MANEA: variants seen among roughly 807,000 people sequenced by gnomAD.
The protein encoded by MANEA is mannosidase endo-alpha.
Under a neutral mutation model 36.8 loss-of-function variants are expected in MANEA, and 25 were observed. That is an observed-to-expected ratio of 0.68 (90% CI 0.50 to 0.95). The LOEUF is 0.95. MANEA is among the 40% of genes least tolerant of loss of function. MANEA has a pLI of 0.00. For synonymous variants in MANEA, 198 were observed against 188.5 expected (o/e 1.05, Z -0.41); for missense variants, 565 against 558.8 (o/e 1.01, Z -0.11).
rs1562201871 is a variant in MANEA, at chr6:95,606,158, A to G, written c.1142A>G (p.Tyr381Cys). 4.3e-6 allele frequency: 7 copies of G among 1,614,128 alleles called. No homozygotes were observed. The highest frequency in any genetic ancestry group is 5.9e-6 in the Non-Finnish European group (7 of 1,179,980). The change falls in exon 5 of 5, where the codon TAT (tyrosine) becomes TGT (cysteine). Residue 381 changes from tyrosine (Y) to cysteine (C), a missense_variant. Tyr to Cys is a radical substitution (Grantham distance 194). Coordinates refer to ENST00000358812, the MANE Select transcript of MANEA (RefSeq NM_024641.4). Reference sequence around the variant, plus strand: ...ACTCGGAACCGAATCAATGGGAAGTATTATGAAATTGGTCTGAGTGCCGCA... The same window carrying G: ...ACTCGGAACCGAATCAATGGGAAGTGTTATGAAATTGGTCTGAGTGCCGCA... ...QNTRNRINGK[Y>C]YEIGLSAALQ...
chr6:95,592,311 G>C (rs989503673), intron 2 of MANEA, among the ~76,000 whole-genome samples: 1 of 152,120 alleles, frequency 6.6e-6, no homozygotes, highest in Non-Finnish European at 1.5e-5. Flanking sequence ...GCCAGATCTT[G>C]TGTGTTAGCT....
intron 2 of MANEA, among the ~76,000 whole-genome samples, chr6:95,593,414 C>T (rs1027708381): frequency 1.8e-4 from 27 of 152,092 alleles, no homozygotes; most frequent in Non-Finnish European, 3.8e-4. Context: ...ATAGAGTATA[C>T]TTGCAAAGAG....
At position 95,606,373 on chromosome 6, in the gene MANEA, T is replaced by G; in HGVS notation, c.1357T>G (p.Tyr453Asp). 4 of 1,600,686 alleles carry G rather than the reference T, an allele frequency of 2.5e-6. No individual in the cohort carries two copies. The highest frequency in any genetic ancestry group is 3.4e-6 in the Non-Finnish European group (4 of 1,178,638). ...AAAATACAGTAAGGAAAGAGCAACT[T>G]ATGCATTAGATCGCCAGCTGCCTGT... is the stretch of plus-strand genomic sequence containing the variant. ...SEKYSKERATYALDRQLPVS is the reference protein window; with the variant it reads ...SEKYSKERATDALDRQLPVS Residue 453 changes from tyrosine (Y) to aspartate (D), a missense_variant, in exon 5 of 5, where the codon TAT (tyrosine) becomes GAT (aspartate). Tyr to Asp is a radical substitution (Grantham distance 160). Coordinates refer to ENST00000358812, the MANE Select transcript of MANEA (RefSeq NM_024641.4).
chr6:95,588,605 A>C (rs1380868374), intron 2 of MANEA, among the ~76,000 whole-genome samples: 2 of 151,950 alleles, frequency 1.3e-5, no homozygotes, highest in Non-Finnish European at 2.9e-5. Context: ...TTTACAAAAA[A>C]TTTGTGTCAC....
At chr6:95,582,731 C>T (rs1027347081) in intron 1 of MANEA, among the ~76,000 whole-genome samples, 2 of 152,194 alleles carry the variant, frequency 1.3e-5, no homozygotes, top group African/African-American at 4.8e-5. Context: ...CCATTATACA[C>T]AAACACACAT....
chr6:95,587,667 A>G (rs1049750927), intron 2 of MANEA, among the ~76,000 whole-genome samples: 1 of 151,828 alleles, frequency 6.6e-6, no homozygotes, highest in African/African-American at 2.4e-5. Flanking sequence ...TTTTATATTC[A>G]CCTGTTGATA....
chr6:95,580,412 A>G (rs1282237672), intron 1 of MANEA, among the ~76,000 whole-genome samples: 1 of 152,210 alleles, frequency 6.6e-6, no homozygotes, highest in Admixed American at 6.5e-5. Flanking sequence ...ATAAATGCAC[A>G]GCATGATATA....
chr6:95,584,389 C>T (rs1338919434), intron 1 of MANEA, among the ~76,000 whole-genome samples: 2 of 152,136 alleles, frequency 1.3e-5, no homozygotes, highest in East Asian at 3.9e-4. Flanking sequence ...AATTGCATTC[C>T]TCGGGGGAGG....
chr6:95,582,076 C>T lies in MANEA; in HGVS notation c.-38-4326C>T, dbSNP rs528935977. Among the ~76,000 whole-genome samples the T allele has an allele frequency of 7.8e-5, 11 of 141,252 alleles. No homozygotes were observed. In the East Asian group the frequency reaches 2.3e-3, roughly 29 times the overall value. The allele number at this position is 141,252 out of a possible 152,430, so 92.7% of individuals were successfully genotyped here. Reference sequence around the variant, plus strand: ...TGCTTCATGTCTCATCAAAATTTTCCCTTTCTTCAATCAAAGGGAAATGTT... The same window carrying T: ...TGCTTCATGTCTCATCAAAATTTTCTCTTTCTTCAATCAAAGGGAAATGTT... On this transcript the variant is annotated intron_variant, in intron 1 of 4. Transcript: ENST00000358812.
At chr6:95,580,916 G>A (rs1309454868) in intron 1 of MANEA, among the ~76,000 whole-genome samples, 1 of 152,106 alleles carries the variant, frequency 6.6e-6, no homozygotes, top group Non-Finnish European at 1.5e-5. Flanking sequence ...AGAATAAAAT[G>A]TGTTATATTT....
intron 1 of MANEA, among the ~76,000 whole-genome samples, chr6:95,580,973 G>C (rs1769168350): frequency 6.6e-6 from 1 of 152,002 alleles, no homozygotes; most frequent in African/African-American, 2.4e-5. Flanking sequence ...ATAAACAATT[G>C]CTCATTTATT....
intron 1 of MANEA, among the ~76,000 whole-genome samples, chr6:95,580,483 T>G (rs981911820): frequency 1.3e-5 from 2 of 152,082 alleles, no homozygotes; most frequent in African/African-American, 2.4e-5. Context: ...CCCAGCACTT[T>G]GGGAGGCAGA....
intron 3 of MANEA, among the ~76,000 whole-genome samples, chr6:95,597,185 A>G (rs1769497455): frequency 1.3e-5 from 2 of 152,060 alleles, no homozygotes; most frequent in Admixed American, 6.5e-5. Context: ...AACTTTGCAT[A>G]TTTATAAAGT....
chr6:95,596,763 C>T lies in MANEA; in HGVS notation c.571C>T (p.Pro191Ser), dbSNP rs1240006434. ...TGTACTAGCCCTCTCTTGGTACCCA[C>T]CTGATGTAAATGATGAAAATGGAGA... ...IGVLALSWYP[P>S]DVNDENGEPT... Residue 191 changes from proline (P) to serine (S), a missense_variant, in exon 3 of 5, where the codon CCT (proline) becomes TCT (serine). Physicochemically the swap from Pro to Ser is moderately conservative, Grantham distance 74. Transcript: ENST00000358812. The T allele has an allele frequency of 6.2e-7, 1 of 1,605,754 alleles. No individual in the cohort carries two copies. Among genetic ancestry groups the T allele is most frequent in the Admixed American group, 1.7e-5 (1 of 59,982 alleles).
At chr6:95,594,120 G>T (rs1435971982) in intron 2 of MANEA, among the ~76,000 whole-genome samples, 1 of 152,016 alleles carries the variant, frequency 6.6e-6, no homozygotes, top group Admixed American at 6.6e-5. Flanking sequence ...TAGGAGAGGG[G>T]TATGGTTGAA....
chr6:95,584,273 A>G (rs935860119), intron 1 of MANEA, among the ~76,000 whole-genome samples: 5 of 152,310 alleles, frequency 3.3e-5, no homozygotes, highest in East Asian at 1.9e-4. Context: ...AAAAAGAGCC[A>G]TATTTTTCTT....
chr6:95,596,599 T>A (rs529402116), intron 2 of MANEA, 138 bp from the exon 3 acceptor site: 2 of 516,378 alleles, frequency 3.9e-6, no homozygotes, highest in Admixed American at 6.2e-5. Flanking sequence ...GCCATATGTA[T>A]TCTGAAGGAA....
At chr6:95,590,766 G>A (rs1769372883) in intron 2 of MANEA, among the ~76,000 whole-genome samples, 1 of 152,156 alleles carries the variant, frequency 6.6e-6, no homozygotes, top group Non-Finnish European at 1.5e-5. Context: ...CAGTCTACTT[G>A]CAAATAATAT....
At position 95,605,778 on chromosome 6, in the gene MANEA, C is replaced by A; in HGVS notation, c.762C>A (p.Tyr254Ter). Residue 254 changes from tyrosine (Y) to a stop codon, truncating the protein, a stop_gained, in exon 5 of 5, where the codon TAC becomes TAA. Coordinates refer to ENST00000358812, the MANE Select transcript of MANEA (RefSeq NM_024641.4). LOFTEE classifies it high-confidence loss of function. ...GAAATCATCCGGCCTTTTACAGGTA[C>A]AAGACGAAGACTGGCAATGCTCTTC... Reference protein sequence around the residue: ...KYGNHPAFYRYKTKTGNALPM... With the variant: ...KYGNHPAFYR 1 of 1,612,912 alleles carries A rather than the reference C, an allele frequency of 6.2e-7. No individual in the cohort carries two copies. Among genetic ancestry groups the A allele is most frequent in the Admixed American group, 1.7e-5 (1 of 59,956 alleles).
Sources: allele counts gnomAD v4.1 joint callset (sites outside exome capture counted in the v4.1 genomes callset), GRCh38; gene constraint gnomAD v4.1.1; transcripts MANE v1.5; gene names NCBI Gene and HGNC (gene_info 2026-07-23, HGNC 2026-07-21).